Variants in DDX60 observed in about 807,000 individuals in gnomAD.
The protein encoded by DDX60 is probable ATP-dependent RNA helicase DDX60.
Under a neutral mutation model 212.8 loss-of-function variants are expected in DDX60, and 165 were observed. The observed-to-expected ratio is 0.78, with a 90% CI of 0.68 to 0.88. DDX60 has a LOEUF of 0.88. Ranked by LOEUF, DDX60 falls within the 40% of genes least tolerant of loss-of-function variation. The probability of loss-of-function intolerance (pLI) is 0.00; values close to 1 mark genes in which losing one functional copy is unlikely to be tolerated. For synonymous variants in DDX60, 703 were observed against 685.3 expected, an observed-to-expected ratio of 1.03 and a Z score of -0.40; for missense variants, 1,905 against 2,003.9, an observed-to-expected ratio of 0.95 and a Z score of 0.94.
At chr4:168,274,115 A>C in intron 16 of DDX60, 32 bp from the exon 17 acceptor site, 1 of 1,612,506 alleles carries the variant, frequency 6.2e-7, no homozygotes, top group Non-Finnish European at 8.5e-7. Flanking sequence ...TCATGTCAAG[A>C]AACTGAACCG....
chr4:168,226,973 G>A (rs918271013), intron 33 of DDX60, among the ~76,000 whole-genome samples: 2 of 152,062 alleles, frequency 1.3e-5, no homozygotes, highest in African/African-American at 4.8e-5. Flanking sequence ...CCGAAACTGT[G>A]ACAAGTAAAT....
At chr4:168,296,667 G>A (rs1213610755) in intron 6 of DDX60, among the ~76,000 whole-genome samples, 1 of 151,594 alleles carries the variant, frequency 6.6e-6, no homozygotes, top group Non-Finnish European at 1.5e-5. Flanking sequence ...ACAAACCTCG[G>A]TATCATTAAA....
At chr4:168,293,646 A>G in intron 7 of DDX60, 141 bp downstream of exon 7, 1 of 751,628 alleles carries the variant, frequency 1.3e-6, no homozygotes. Flanking sequence ...GATAGACACA[A>G]ATTTCAGTTT....
At chr4:168,281,044 G>T (rs1426069488) in intron 13 of DDX60, among the ~76,000 whole-genome samples, 2 of 152,140 alleles carry the variant, frequency 1.3e-5, no homozygotes, top group African/African-American at 4.8e-5. Flanking sequence ...GGAGGCTGAG[G>T]CATGAGAATC....
rs1472241762 is a variant in DDX60 at position 168,311,327 on chromosome 4, G to C, written c.-68C>G. 1 of 1,570,882 alleles carries C rather than the reference G, an allele frequency of 6.4e-7. No homozygotes were observed. Among genetic ancestry groups the C allele is most frequent in the African/African-American group, 1.4e-5 (1 of 73,638 alleles). The stretch of plus-strand genomic sequence containing the variant: ...AAAGGTAGCAAATACCCTTTATTTT[G>C]GTACCTCTAAGTGGCAGTTCTTAAT... On this transcript the variant is annotated 5_prime_UTR_variant, in exon 2 of 38. Coordinates refer to ENST00000393743, the MANE Select transcript of DDX60 (RefSeq NM_017631.6).
intron 29 of DDX60, among the ~76,000 whole-genome samples, 167 bp from the exon 30 acceptor site, chr4:168,246,785 A>C (rs1396624204): frequency 6.6e-6 from 1 of 152,224 alleles, no homozygotes; most frequent in Non-Finnish European, 1.5e-5. Flanking sequence ...GAAATTTGCC[A>C]TGACTGAGAT....
intron 33 of DDX60, among the ~76,000 whole-genome samples, chr4:168,231,452 G>A (rs768135719): frequency 6.0e-5 from 9 of 149,348 alleles, no homozygotes; most frequent in Non-Finnish European, 8.9e-5. Context: ...GAACATAAAC[G>A]CAAAAACCCT....
chr4:168,280,611 T>C lies in DDX60; in HGVS notation c.1723-21A>G, dbSNP rs183860905. ...GTCTCCTGCCCCAAAGGAAAAAACA[T>C]CTCTTAAGACAAGTTGAAAATATTC... On this transcript the variant is annotated intron_variant, in intron 13 of 37. Coordinates refer to ENST00000393743, the MANE Select transcript of DDX60 (RefSeq NM_017631.6). 45 of 1,591,476 alleles carry C rather than the reference T, an allele frequency of 2.8e-5. No homozygotes were observed. In the East Asian group the frequency reaches 9.2e-4, roughly 32 times the overall value.
rs199508843 is a variant in DDX60 at position 168,283,498 on chromosome 4, T to C, written c.1670A>G (p.Gln557Arg). Reference sequence around the variant, plus strand: ...AAAATCCTTCTTTGACTTAATAGTTTGAGTCACGATGATTTTCGAAGAGAC... The same window carrying C: ...AAAATCCTTCTTTGACTTAATAGTTCGAGTCACGATGATTTTCGAAGAGAC... ...ETVSSKIIVTQTIKSKKDFSG... is the reference protein window; with the variant it reads ...ETVSSKIIVTRTIKSKKDFSG... The change falls in exon 13 of 38, where the codon CAA becomes CGA. Residue 557 changes from glutamine (Q) to arginine (R), a missense_variant. Transcript: ENST00000393743. 2 of 1,613,634 alleles carry C rather than the reference T, an allele frequency of 1.2e-6. No individual in the cohort carries two copies. Among genetic ancestry groups the C allele is most frequent in the Non-Finnish European group, 1.7e-6 (2 of 1,179,718 alleles).
intron 15 of DDX60, 85 bp downstream of exon 15, chr4:168,275,930 C>A: frequency 1.1e-5 from 13 of 1,156,436 alleles, no homozygotes; most frequent in Non-Finnish European, 1.4e-5. Context: ...AAAAAAAAAT[C>A]TGGAAGAGAT....
intron 5 of DDX60, among the ~76,000 whole-genome samples, chr4:168,303,745 A>G (rs1482054326): frequency 6.6e-6 from 1 of 152,192 alleles, no homozygotes; most frequent in Non-Finnish European, 1.5e-5. Flanking sequence ...GCACTTTGGG[A>G]GGCCAAGACG....
At position 168,262,559 on chromosome 4, in the gene DDX60, A is replaced by G. The variant is rs1033997696; in HGVS notation, c.3144+124T>C. ...TAATGTTAGAAATATGAGAAGAGGC[A>G]CTCTTATTGTAGGAAGAGTCAACTA... On this transcript the variant is annotated intron_variant, in intron 23 of 37. Coordinates refer to ENST00000393743, the MANE Select transcript of DDX60 (RefSeq NM_017631.6). The G allele has an allele frequency of 1.7e-5, 11 of 641,122 alleles. No individual in the cohort carries two copies. The East Asian group carries it at 1.8e-4, about 11-fold the overall frequency. 39.7% of individuals were successfully genotyped at this position (641,122 alleles called of 1,614,324 possible). A position where few individuals can be genotyped will look rare whatever the true frequency, so the allele number is the denominator to read the frequency against.
intron 13 of DDX60, 119 bp downstream of exon 13, chr4:168,283,327 T>C (rs573389797): frequency 8.7e-6 from 7 of 802,538 alleles, no homozygotes; most frequent in Middle Eastern, 3.7e-4. Context: ...CAAAAATATA[T>C]GCATATAAAT....
chr4:168,269,546 A>G (rs1735002202), intron 19 of DDX60, among the ~76,000 whole-genome samples: 1 of 152,116 alleles, frequency 6.6e-6, no homozygotes. Context: ...GCTTGCAGTG[A>G]GCTGAGATCG....
chr4:168,268,739 A>G (rs1462909898), intron 20 of DDX60, 115 bp downstream of exon 20: 4 of 571,692 alleles, frequency 7.0e-6, no homozygotes, highest in Non-Finnish European at 1.2e-5. Context: ...ATTCAGAAAT[A>G]AACTATTAAA....
At chr4:168,304,882 T>C (rs1736809272) in intron 5 of DDX60, among the ~76,000 whole-genome samples, 2 of 152,132 alleles carry the variant, frequency 1.3e-5, no homozygotes, top group South Asian at 4.2e-4. Flanking sequence ...ACTGTATATA[T>C]TAATAACATC....
intron 19 of DDX60, among the ~76,000 whole-genome samples, chr4:168,270,323 A>G (rs1438572744): frequency 6.6e-6 from 1 of 152,232 alleles, no homozygotes; most frequent in African/African-American, 2.4e-5. Flanking sequence ...AAAAAGACTT[A>G]CTATCAAAGT....
intron 6 of DDX60, among the ~76,000 whole-genome samples, chr4:168,300,827 G>A (rs1284156585): frequency 6.6e-6 from 1 of 152,042 alleles, no homozygotes; most frequent in Non-Finnish European, 1.5e-5. Context: ...CATATTCTAT[G>A]GCTACAGTTA....
intron 14 of DDX60, 64 bp from the exon 15 acceptor site, chr4:168,276,245 C>G: frequency 1.5e-6 from 2 of 1,331,652 alleles, no homozygotes; most frequent in Non-Finnish European, 2.1e-6. Context: ...TTTGATTACC[C>G]AAGATTAATC....
Sources: gnomAD v4.1 joint callset for allele counts (sites outside exome capture counted in the v4.1 genomes callset) on GRCh38, gnomAD v4.1.1 for gene constraint, MANE v1.5 for transcripts, NCBI Gene and HGNC (gene_info 2026-07-23, HGNC 2026-07-21) for gene names.